Variants in ABCA1 observed in about 807,000 individuals in gnomAD.
The protein encoded by ABCA1 is phospholipid-transporting ATPase ABCA1.
Under a neutral mutation model 262.5 loss-of-function variants are expected in ABCA1, and 133 were observed. The ratio of observed to expected loss-of-function variants is 0.51; its 90% confidence interval spans 0.44 to 0.59. The LOEUF (loss-of-function observed/expected upper bound fraction) is 0.59. Ranked by LOEUF, ABCA1 falls within the 20% of genes least tolerant of loss-of-function variation. ABCA1 has a pLI of 0.00. For synonymous variants in ABCA1, 1,022 were observed against 1,043.5 expected (o/e 0.98, Z 0.40); for missense variants, 2,452 against 2,777.5 (o/e 0.88, Z 2.63).
At chr9:104,866,454 G>T (rs2119124989) in intron 5 of ABCA1, among the ~76,000 whole-genome samples, 1 of 151,240 alleles carries the variant, frequency 6.6e-6, no homozygotes, top group Admixed American at 6.6e-5. Flanking sequence ...CCATCCTCAA[G>T]CTGGGTTAGG....
At chr9:104,860,920 C>A (rs1836323819) in intron 6 of ABCA1, among the ~76,000 whole-genome samples, 1 of 152,016 alleles carries the variant, frequency 6.6e-6, no homozygotes, top group Admixed American at 6.6e-5. Flanking sequence ...CCACGCTGAG[C>A]TAATTTTCAT....
At chr9:104,903,007 G>A (rs567256580) in intron 2 of ABCA1, among the ~76,000 whole-genome samples, 26 of 152,250 alleles carry the variant, frequency 1.7e-4, no homozygotes, top group Non-Finnish European at 3.5e-4. Context: ...AGTTCACTCT[G>A]CTCTACAGCC....
intron 1 of ABCA1, among the ~76,000 whole-genome samples, chr9:104,911,998 A>C (rs528587229): frequency 6.6e-6 from 1 of 152,320 alleles, no homozygotes; most frequent in East Asian, 1.9e-4. Context: ...TGCAGTTTTT[A>C]AAGTACCAAA....
At chr9:104,803,432 A>G in intron 32 of ABCA1, 116 bp from the exon 33 acceptor site, 3 of 1,077,748 alleles carry the variant, frequency 2.8e-6, no homozygotes, top group Non-Finnish European at 1.4e-6. Context: ...AAATAACCCT[A>G]GAATCAGCTG....
intron 3 of ABCA1, among the ~76,000 whole-genome samples, chr9:104,885,015 C>T (rs562843611): frequency 2.0e-5 from 3 of 152,176 alleles, no homozygotes; most frequent in South Asian, 4.1e-4. Context: ...GTGGGCGGAT[C>T]ACCTGAGGTC....
intron 1 of ABCA1, among the ~76,000 whole-genome samples, chr9:104,911,642 C>T (rs1398350560): frequency 1.3e-5 from 2 of 152,070 alleles, no homozygotes; most frequent in Non-Finnish European, 2.9e-5. Flanking sequence ...TAAGGGTATC[C>T]TTGCTAGGAC....
chr9:104,840,208 A>G, intron 9 of ABCA1, 71 bp downstream of exon 9: 1 of 1,611,840 alleles, frequency 6.2e-7, no homozygotes, highest in Non-Finnish European at 8.5e-7. Context: ...GGAGGAGATG[A>G]CACAGGCCAA....
At chr9:104,846,768 C>T (rs1369643517) in intron 7 of ABCA1, among the ~76,000 whole-genome samples, 1 of 152,188 alleles carries the variant, frequency 6.6e-6, no homozygotes, top group Non-Finnish European at 1.5e-5. Flanking sequence ...CATTCACAGT[C>T]CTCAAAGGGA....
In ABCA1 at chr9:104,832,586, A is replaced by C. The variant is rs771957559; in HGVS notation, c.1497T>G (p.Ser499=). ...GCAACAGATTCACCTCCATGAAGCGAGATATGGTCCGGATTGCCTGGTTAG... is the reference window on the plus strand; with the variant it reads ...GCAACAGATTCACCTCCATGAAGCGCGATATGGTCCGGATTGCCTGGTTAG... ...NETNQAIRTI[S]RFMECVNLNK... The change falls in exon 12 of 50, where the codon TCT becomes TCG. Residue 499 remains serine (S), a synonymous_variant. Transcript: ENST00000374736. 2.5e-6 allele frequency: 4 copies of C among 1,614,228 alleles called. No individual in the cohort carries two copies. In the South Asian group the frequency reaches 4.4e-5, roughly 18 times the overall value.
At chr9:104,883,013 C>T (rs747195935) in intron 5 of ABCA1, 26 bp downstream of exon 5, 13 of 1,568,762 alleles carry the variant, frequency 8.3e-6, no homozygotes, top group Non-Finnish European at 1.1e-5. Flanking sequence ...CAATTATAAA[C>T]GGATGCAGAG....
intron 2 of ABCA1, among the ~76,000 whole-genome samples, chr9:104,891,372 C>T (rs993009196): frequency 3.3e-5 from 5 of 151,634 alleles, no homozygotes; most frequent in Non-Finnish European, 7.4e-5. Context: ...CCAGCCTGGC[C>T]AACATGGTGA....
intron 2 of ABCA1, among the ~76,000 whole-genome samples, chr9:104,893,421 CA>C (rs34544647): frequency 0.014 from 504 of 34,976 alleles, no homozygotes; most frequent in South Asian, 0.018. Flanking sequence ...GACTTCACCT[CA>C]AAAAAAAAAA....
chr9:104,793,056 T>G (rs1476745028), intron 41 of ABCA1, 115 bp downstream of exon 41: 1 of 1,585,948 alleles, frequency 6.3e-7, no homozygotes, highest in African/African-American at 1.4e-5. Context: ...GGAAAATCAG[T>G]TTTATCACAT....
intron 20 of ABCA1, 93 bp downstream of exon 20, chr9:104,821,282 C>T: frequency 6.5e-7 from 1 of 1,528,974 alleles, no homozygotes; most frequent in South Asian, 1.2e-5. Context: ...AAAAACACAG[C>T]AAAGTAAAAT....
At chr9:104,868,377 G>A (rs1002574089) in intron 5 of ABCA1, among the ~76,000 whole-genome samples, 4 of 152,090 alleles carry the variant, frequency 2.6e-5, no homozygotes, top group South Asian at 2.1e-4. Context: ...CAAAAAAAAC[G>A]GGGCTAATAA....
intron 5 of ABCA1, among the ~76,000 whole-genome samples, chr9:104,869,877 T>C (rs1033355328): frequency 1.3e-5 from 2 of 151,962 alleles, no homozygotes; most frequent in African/African-American, 2.4e-5. Context: ...TGAGCCTCCA[T>C]TTTTCTGTAA....
chr9:104,784,396 T>C lies in ABCA1; in HGVS notation c.6705A>G (p.Leu2235=), dbSNP rs773601853. 1.2e-6 allele frequency: 2 copies of C among 1,614,014 alleles called. No individual in the cohort carries two copies. The highest frequency in any genetic ancestry group is 1.3e-5 in the African/African-American group (1 of 74,918). The change falls in exon 50 of 50, where the codon TTA becomes TTG. Residue 2235 remains leucine (L), a synonymous_variant. Coordinates refer to ENST00000374736, the MANE Select transcript of ABCA1 (RefSeq NM_005502.4). ...SDDDHLKDLS[L]HKNQTVVDVA... The stretch of plus-strand genomic sequence containing the variant: ...CGTCCACTACTGTCTGGTTTTTGTG[T>C]AATGAGAGGTCTTTTAAGTGGTCAT...
At position 104,866,630 on chromosome 9, in the gene ABCA1, C is replaced by T. The variant is rs145059720; in HGVS notation, c.422-4830G>A. Among the ~76,000 whole-genome samples the T allele has an allele frequency of 8.1e-4, 124 of 152,234 alleles. 1 individual carries two copies. Among genetic ancestry groups the T allele is most frequent in the African/African-American group, 2.8e-3 (117 of 41,536 alleles). ...CCGAGTTGTTGGGATTACAGGCACC[C>T]GCCATCACGCCCAGCTATTATTCCT... On this transcript the variant is annotated intron_variant, in intron 5 of 49. Transcript: ENST00000374736.
At chr9:104,855,722 C>T (rs988104742) in intron 7 of ABCA1, 20 of 1,541,420 alleles carry the variant, frequency 1.3e-5, no homozygotes, top group Non-Finnish European at 1.5e-5. Context: ...ATAATTTATC[C>T]GACATCAATG....
Sources: allele counts gnomAD v4.1 joint callset (sites outside exome capture counted in the v4.1 genomes callset), GRCh38; gene constraint gnomAD v4.1.1; transcripts MANE v1.5; gene names NCBI Gene and HGNC (gene_info 2026-07-23, HGNC 2026-07-21).